The following KCNB2 variants were observed in gnomAD, a reference collection of about 807,000 sequenced individuals.
KCNB2 encodes the protein potassium voltage-gated channel subfamily B member 2.
In KCNB2, 15 loss-of-function variants were observed where a neutral mutation model predicts 61.5. The ratio of observed to expected loss-of-function variants is 0.24; its 90% CI spans 0.16 to 0.38. The LOEUF (loss-of-function observed/expected upper bound fraction) is 0.38. KCNB2 is among the 10% of genes least tolerant of loss of function. The pLI is 1.00. For missense variants in KCNB2, 828 were observed against 1,125.2 expected (o/e 0.74, Z 3.78); for synonymous variants, 457 against 446.0 (o/e 1.02, Z -0.31).
chr8:72,564,898 C>A (rs1184169509), intron 1 of KCNB2, among the ~76,000 whole-genome samples: 1 of 152,064 alleles, frequency 6.6e-6, no homozygotes, highest in African/African-American at 2.4e-5. Flanking sequence ...GCTTGGAAAC[C>A]AAACTTTAGG....
At chr8:72,666,761 T>C (rs1806480752) in intron 2 of KCNB2, among the ~76,000 whole-genome samples, 2 of 151,758 alleles carry the variant, frequency 1.3e-5, no homozygotes, top group South Asian at 4.2e-4. Flanking sequence ...CAGGCTATTC[T>C]CCTGCCTCAG....
rs543104971 is a variant in KCNB2, at chr8:72,807,502, G to A, written c.580-128433G>A. Among the ~76,000 whole-genome samples the A allele has an allele frequency of 1.3e-3, 191 of 152,266 alleles. 1 individual carries two copies. Among genetic ancestry groups the A allele is most frequent in the Middle Eastern group, 0.01 (3 of 294 alleles). On this transcript the variant is annotated intron_variant, in intron 2 of 2. Coordinates refer to ENST00000523207, the MANE Select transcript of KCNB2 (RefSeq NM_004770.3). ...AGTAGACATTCGGAATGGCTCTGTG[G>A]GCAGCTGTGTTCTTTCCTGCTTCTA...
intron 2 of KCNB2, among the ~76,000 whole-genome samples, chr8:72,663,348 T>G (rs542469391): frequency 7.9e-5 from 12 of 152,238 alleles, no homozygotes; most frequent in African/African-American, 2.6e-4. Context: ...CAGAGAATAG[T>G]GGGAAGGTAA....
intron 2 of KCNB2, among the ~76,000 whole-genome samples, chr8:72,704,389 T>C (rs146508904): frequency 5.9e-5 from 9 of 152,254 alleles, no homozygotes; most frequent in African/African-American, 2.2e-4. Context: ...CAAAATCAAC[T>C]ATTAAGGGCT....
chr8:72,772,473 C>A (rs1002165515), intron 2 of KCNB2, among the ~76,000 whole-genome samples: 5 of 152,108 alleles, frequency 3.3e-5, no homozygotes, highest in Middle Eastern at 3.2e-3. Flanking sequence ...GGGGTAGCTC[C>A]CTGAGTTTGA....
intron 2 of KCNB2, among the ~76,000 whole-genome samples, chr8:72,766,615 G>A (rs900932403): frequency 6.6e-6 from 1 of 152,114 alleles, no homozygotes; most frequent in Non-Finnish European, 1.5e-5. Context: ...CCATAAAATT[G>A]TGTGTATGCT....
intron 2 of KCNB2, among the ~76,000 whole-genome samples, chr8:72,738,960 T>C (rs895998955): frequency 4.6e-5 from 7 of 152,298 alleles, no homozygotes; most frequent in Middle Eastern, 3.4e-3. Flanking sequence ...TTAAAAAAAT[T>C]ATTTACATAT....
chr8:72,732,040 T>G (rs1229052529), intron 2 of KCNB2: 1 of 152,232 alleles, frequency 6.6e-6, no homozygotes, highest in Non-Finnish European at 1.5e-5. Context: ...CTGAATCTCC[T>G]CCTTCAGATG....
At chr8:72,725,607 A>ATG (rs1563572127) in intron 2 of KCNB2, among the ~76,000 whole-genome samples, 7 of 123,306 alleles carry the variant, frequency 5.7e-5, no homozygotes, top group East Asian at 2.1e-4. Context: ...ATATATATAT[A>ATG]TATATATATA....
chr8:72,776,596 A>G (rs1808657800), intron 2 of KCNB2, among the ~76,000 whole-genome samples: 3 of 152,066 alleles, frequency 2.0e-5, no homozygotes, highest in Admixed American at 2.0e-4. Flanking sequence ...TTGTGTTTCT[A>G]TGATTGCTGC....
At chr8:72,684,940 C>A (rs936873349) in intron 2 of KCNB2, among the ~76,000 whole-genome samples, 13 of 152,264 alleles carry the variant, frequency 8.5e-5, no homozygotes, top group African/African-American at 2.9e-4. Context: ...TATTCCTTTG[C>A]ACTATTAATG....
chr8:72,634,372 A>T (rs926467457), intron 2 of KCNB2, among the ~76,000 whole-genome samples: 1 of 152,154 alleles, frequency 6.6e-6, no homozygotes, highest in Non-Finnish European at 1.5e-5. Context: ...TAACATTCAC[A>T]TTCTAATTAT....
chr8:72,921,868 T>C (rs1399849670), intron 2 of KCNB2, among the ~76,000 whole-genome samples: 2 of 152,208 alleles, frequency 1.3e-5, no homozygotes, highest in Non-Finnish European at 2.9e-5. Context: ...CAAACCCCTA[T>C]GACTTTCCTC....
chr8:72,604,123 G>T (rs1205074493), intron 2 of KCNB2, among the ~76,000 whole-genome samples: 1 of 152,036 alleles, frequency 6.6e-6, no homozygotes, highest in Non-Finnish European at 1.5e-5. Context: ...TGTATGACTT[G>T]GAACAAGTTA....
intron 2 of KCNB2, among the ~76,000 whole-genome samples, chr8:72,882,075 C>T (rs1252706908): frequency 6.6e-6 from 1 of 152,098 alleles, no homozygotes; most frequent in Non-Finnish European, 1.5e-5. Flanking sequence ...AATCTTCTCT[C>T]CTTAGCAGGA....
intron 2 of KCNB2, among the ~76,000 whole-genome samples, chr8:72,901,881 C>A (rs1051132761): frequency 1.3e-5 from 2 of 152,100 alleles, no homozygotes; most frequent in Non-Finnish European, 2.9e-5. Context: ...CTACTTTAAG[C>A]CTGGTGCTTT....
intron 2 of KCNB2, among the ~76,000 whole-genome samples, chr8:72,634,016 A>G (rs1347344538): frequency 1.3e-5 from 2 of 152,110 alleles, no homozygotes; most frequent in African/African-American, 4.8e-5. Context: ...GAATACATCC[A>G]TTTTCATGAC....
Position 72,937,706 on chromosome 8 carries a change from T to C in KCNB2, c.2351T>C (p.Leu784Pro), listed in dbSNP as rs369082497. 81 of 1,614,072 alleles carry C rather than the reference T, an allele frequency of 5.0e-5. No homozygotes were observed. Among genetic ancestry groups the C allele is most frequent in the Non-Finnish European group, 6.9e-5 (81 of 1,180,004 alleles). Residue 784 changes from leucine to proline, a missense_variant, in exon 3 of 3, where the codon CTG (leucine) becomes CCG (proline). By Grantham distance (98) the Leu-to-Pro change is moderately conservative. Around this residue, in one of 4 missense-constraint regions of KCNB2, gnomAD observed 559 missense variants for 588.4 expected, o/e 0.95. Transcript: ENST00000523207. ...CCTTGTCAGGGACCTTCCAAAGGGC[T>C]GTCCCCCAGGTTTCCCAAGCAGAAA... Reference protein sequence around the residue: ...SAPCQGPSKGLSPRFPKQKLF... With the variant: ...SAPCQGPSKGPSPRFPKQKLF...
chr8:72,612,241 A>G (rs1805553699), intron 2 of KCNB2, among the ~76,000 whole-genome samples: 1 of 152,188 alleles, frequency 6.6e-6, no homozygotes, highest in Admixed American at 6.6e-5. Context: ...CATATAAATG[A>G]TTTATTGTTC....
Sources: allele counts gnomAD v4.1 joint callset (sites outside exome capture counted in the v4.1 genomes callset), GRCh38; gene constraint gnomAD v4.1.1; regional missense constraint gnomAD v4.1.1; transcripts MANE v1.5; gene names NCBI Gene and HGNC (gene_info 2026-07-23, HGNC 2026-07-21).